RBFOX1: variants seen among roughly 807,000 people sequenced by gnomAD.
RBFOX1 encodes RNA binding protein fox-1 homolog 1.
Under a neutral mutation model 57.7 loss-of-function variants are expected in RBFOX1, and 8 were observed. The ratio of observed to expected loss-of-function variants is 0.14; its 90% CI spans 0.08 to 0.25. The LOEUF is 0.25. RBFOX1 is among the 10% of genes least tolerant of loss of function. RBFOX1 has a pLI of 1.00. For synonymous variants in RBFOX1, 326 were observed against 222.4 expected, an observed-to-expected ratio of 1.47 and a Z score of -4.15; for missense variants, 611 against 548.5, an observed-to-expected ratio of 1.11 and a Z score of -1.14.
chr16:7,378,605 G>A (rs142337809), intron 4 of RBFOX1, among the ~76,000 whole-genome samples: 23 of 152,274 alleles, frequency 1.5e-4, no homozygotes, highest in Non-Finnish European at 2.5e-4. Context: ...GAAGCATTAG[G>A]CACATTGTTT....
At chr16:6,889,190 A>G (rs2064846330) in intron 3 of RBFOX1, among the ~76,000 whole-genome samples, 1 of 152,162 alleles carries the variant, frequency 6.6e-6, no homozygotes, top group Non-Finnish European at 1.5e-5. Flanking sequence ...TACTGAGTTC[A>G]TTGTGAGCCA....
chr16:6,895,158 G>A (rs2066452831), intron 3 of RBFOX1, among the ~76,000 whole-genome samples: 1 of 151,902 alleles, frequency 6.6e-6, no homozygotes, highest in Non-Finnish European at 1.5e-5. Flanking sequence ...CAAAAAAGAT[G>A]ATCTATATTA....
At chr16:5,324,076 A>G (rs906717185) in intron 1 of RBFOX1, among the ~76,000 whole-genome samples, 2 of 152,326 alleles carry the variant, frequency 1.3e-5, no homozygotes, top group African/African-American at 4.8e-5. Flanking sequence ...AGTGTTTGCC[A>G]GTGCTTCTGC....
chr16:7,383,917 G>A (rs547896909), intron 4 of RBFOX1, among the ~76,000 whole-genome samples: 4 of 152,074 alleles, frequency 2.6e-5, no homozygotes, highest in Non-Finnish European at 5.9e-5. Context: ...AGCTGGGCAT[G>A]GTGGCATGTG....
In RBFOX1 at chr16:5,560,434, G is replaced by A. The variant is rs35394064; in HGVS notation, c.259-38468G>A. On this transcript the variant is annotated intron_variant, in intron 2 of 2. Coordinates refer to the RBFOX1 transcript ENST00000585867. ...CCCAAGTTTGAGATGGCTTCTCCCC[G>A]CACTCCGGTGTTATTACACTGCACT... Among the ~76,000 whole-genome samples, 784 of 152,034 alleles carry A rather than the reference G, an allele frequency of 5.2e-3. 7 individuals carry two copies. The highest frequency in any genetic ancestry group is 0.018 in the African/African-American group (727 of 41,460).
chr16:5,410,402 G>A (rs1034886759), intron 1 of RBFOX1, among the ~76,000 whole-genome samples: 5 of 151,912 alleles, frequency 3.3e-5, no homozygotes, highest in African/African-American at 1.2e-4. Context: ...AAATCATTGT[G>A]CATGTCTCTT....
intron 4 of RBFOX1, among the ~76,000 whole-genome samples, chr16:7,129,125 G>C (rs530880988): frequency 1.3e-5 from 2 of 152,192 alleles, no homozygotes; most frequent in Non-Finnish European, 2.9e-5. Flanking sequence ...AGTCATAAAG[G>C]TAATTAAACT....
At chr16:6,253,862 A>G (rs1412726489) in intron 1 of RBFOX1, among the ~76,000 whole-genome samples, 1 of 152,102 alleles carries the variant, frequency 6.6e-6, no homozygotes, top group East Asian at 1.9e-4. Context: ...TTGCATTGGT[A>G]TTCCTCTTTG....
intron 3 of RBFOX1, among the ~76,000 whole-genome samples, chr16:6,920,082 A>T (rs1350304789): frequency 6.6e-6 from 1 of 151,644 alleles, no homozygotes. Context: ...ATGGCATCCA[A>T]CTCCATCCAA....
intron 1 of RBFOX1, among the ~76,000 whole-genome samples, chr16:5,434,228 T>A (rs1348776549): frequency 6.6e-6 from 1 of 150,864 alleles, no homozygotes; most frequent in Non-Finnish European, 1.5e-5. Flanking sequence ...GGATGAGGCC[T>A]TAGCAAAATG....
intron 2 of RBFOX1, among the ~76,000 whole-genome samples, chr16:6,633,426 C>A (rs1365409616): frequency 6.6e-6 from 1 of 152,022 alleles, no homozygotes; most frequent in Admixed American, 6.6e-5. Context: ...TACAGGCATG[C>A]ACTACCACAC....
chr16:7,508,342 C>G (rs1408210086), intron 4 of RBFOX1, among the ~76,000 whole-genome samples: 1 of 152,134 alleles, frequency 6.6e-6, no homozygotes, highest in East Asian at 1.9e-4. Flanking sequence ...TTAATGCTTT[C>G]ACCAGGGAAT....
intron 4 of RBFOX1, among the ~76,000 whole-genome samples, chr16:7,256,934 G>T (rs2094711156): frequency 6.6e-6 from 1 of 152,076 alleles, no homozygotes; most frequent in Non-Finnish European, 1.5e-5. Context: ...GACCACATGG[G>T]AAACAGCCTT....
chr16:6,843,469 A>C (rs1203874905), intron 3 of RBFOX1, among the ~76,000 whole-genome samples: 1 of 152,098 alleles, frequency 6.6e-6, no homozygotes, highest in Non-Finnish European at 1.5e-5. Context: ...CGGGCAGATC[A>C]CGAGGTCAGG....
intron 3 of RBFOX1, among the ~76,000 whole-genome samples, chr16:6,700,587 G>C (rs891902732): frequency 6.6e-6 from 1 of 152,066 alleles, no homozygotes; most frequent in Non-Finnish European, 1.5e-5. Flanking sequence ...GAACCCGGGA[G>C]GCAGAGGTTG....
intron 4 of RBFOX1, among the ~76,000 whole-genome samples, chr16:5,877,855 C>A (rs1306087985): frequency 6.6e-6 from 1 of 152,164 alleles, no homozygotes; most frequent in Non-Finnish European, 1.5e-5. Context: ...CCTGGGTGTT[C>A]CCATGGTGAT....
chr16:5,780,539 C>T (rs895207263), intron 3 of RBFOX1, among the ~76,000 whole-genome samples: 1 of 151,974 alleles, frequency 6.6e-6, no homozygotes, highest in Non-Finnish European at 1.5e-5. Flanking sequence ...TCAATTTAAA[C>T]AATCAATCAA....
At chr16:5,943,940 T>C (rs1014218250) in intron 4 of RBFOX1, among the ~76,000 whole-genome samples, 1 of 150,922 alleles carries the variant, frequency 6.6e-6, no homozygotes, top group Non-Finnish European at 1.5e-5. Flanking sequence ...TTCCTTCTAT[T>C]TTCCATCCAT....
chr16:7,190,963 C>T (rs568261081), intron 4 of RBFOX1, among the ~76,000 whole-genome samples: 3 of 151,790 alleles, frequency 2.0e-5, no homozygotes, highest in Admixed American at 6.6e-5. Flanking sequence ...TCATCTCAAT[C>T]AGAACCTTGA....
Sources: gnomAD v4.1 joint callset for allele counts (sites outside exome capture counted in the v4.1 genomes callset) on GRCh38, gnomAD v4.1.1 for gene constraint, MANE v1.5 for transcripts, NCBI Gene and HGNC (gene_info 2026-07-23, HGNC 2026-07-21) for gene names.